The following PLPPR1 variants were observed in gnomAD, a reference collection of about 807,000 sequenced individuals.
PLPPR1 encodes phospholipid phosphatase-related protein type 1.
PLPPR1 carries 10 observed loss-of-function variants against 33.1 expected under a neutral mutation model. The ratio of observed to expected loss-of-function variants is 0.30; its 90% CI spans 0.19 to 0.51. PLPPR1 has a LOEUF of 0.51. Ranked by LOEUF, PLPPR1 falls within the 20% of genes least tolerant of loss-of-function variation. The pLI is 0.97. For synonymous variants in PLPPR1, 151 were observed against 151.0 expected, an observed-to-expected ratio of 1.00 and a Z score of 0.00; for missense variants, 304 against 408.1, an observed-to-expected ratio of 0.74 and a Z score of 2.20.
At chr9:101,298,770 A>G (rs1321503998) in intron 4 of PLPPR1, among the ~76,000 whole-genome samples, 1 of 152,206 alleles carries the variant, frequency 6.6e-6, no homozygotes, top group Non-Finnish European at 1.5e-5. Context: ...TCTGATAGAA[A>G]AAGCCAGACA....
At chr9:101,182,589 GT>G (rs1252420857) in intron 1 of PLPPR1, among the ~76,000 whole-genome samples, 1 of 151,708 alleles carries the variant, frequency 6.6e-6, no homozygotes, top group Non-Finnish European at 1.5e-5. Context: ...GAACTTGGTG[GT>G]TGTTGCATAA....
At chr9:101,146,311 C>T (rs556048561) in intron 1 of PLPPR1, among the ~76,000 whole-genome samples, 32 of 152,266 alleles carry the variant, frequency 2.1e-4, no homozygotes, top group Middle Eastern at 3.4e-3. Context: ...GGAGAAGAGC[C>T]TTCAGAACAG....
At chr9:101,145,726 A>AT (rs1314581137) in intron 1 of PLPPR1, among the ~76,000 whole-genome samples, 5 of 137,978 alleles carry the variant, frequency 3.6e-5, no homozygotes, top group African/African-American at 5.3e-5. Flanking sequence ...AAGAATAAGA[A>AT]AAGAAATGTC....
At chr9:101,137,171 G>A (rs1321068254) in intron 1 of PLPPR1, among the ~76,000 whole-genome samples, 3 of 152,174 alleles carry the variant, frequency 2.0e-5, no homozygotes, top group African/African-American at 7.2e-5. Flanking sequence ...CACTGAGCCT[G>A]TTCCTTAAGT....
At chr9:101,097,716 C>T (rs1564143793) in intron 1 of PLPPR1, among the ~76,000 whole-genome samples, 1 of 152,064 alleles carries the variant, frequency 6.6e-6, no homozygotes, top group South Asian at 2.1e-4. Context: ...ACAATGGCCA[C>T]ATTCGGAATG....
chr9:101,110,327 G>A (rs938407590), intron 1 of PLPPR1, among the ~76,000 whole-genome samples: 2 of 152,124 alleles, frequency 1.3e-5, no homozygotes, highest in African/African-American at 4.8e-5. Flanking sequence ...GGATTAAAAT[G>A]TTGCATAATA....
intron 2 of PLPPR1, chr9:101,187,326 G>A (rs140394096): frequency 8.7e-4 from 132 of 152,002 alleles, no homozygotes; most frequent in African/African-American, 3.0e-3. Context: ...TGTAGTCTCC[G>A]AAGATTTTCA....
intron 1 of PLPPR1, among the ~76,000 whole-genome samples, chr9:101,032,952 T>A (rs1191241243): frequency 2.0e-5 from 3 of 152,172 alleles, no homozygotes; most frequent in African/African-American, 7.2e-5. Flanking sequence ...GTGTATAAAT[T>A]CCCTTTTCCC....
At chr9:101,063,848 A>G (rs1830375717) in intron 1 of PLPPR1, among the ~76,000 whole-genome samples, 1 of 152,120 alleles carries the variant, frequency 6.6e-6, no homozygotes, top group African/African-American at 2.4e-5. Flanking sequence ...ATAATTGGCC[A>G]TCATTTGATC....
intron 3 of PLPPR1, among the ~76,000 whole-genome samples, chr9:101,282,012 G>C (rs933536765): frequency 6.6e-6 from 1 of 152,048 alleles, no homozygotes; most frequent in African/African-American, 2.4e-5. Flanking sequence ...AACTGATATC[G>C]CACCTTTTCT....
intron 1 of PLPPR1, among the ~76,000 whole-genome samples, chr9:101,063,116 T>C (rs1431705654): frequency 6.6e-6 from 1 of 152,104 alleles, no homozygotes; most frequent in South Asian, 2.1e-4. Context: ...CTAAAACATA[T>C]AAAGTGTTTA....
intron 5 of PLPPR1, among the ~76,000 whole-genome samples, chr9:101,311,839 C>A (rs1472382755): frequency 6.6e-6 from 1 of 152,188 alleles, no homozygotes; most frequent in Non-Finnish European, 1.5e-5. Flanking sequence ...TCACATAGCA[C>A]ATTTGTTAAG....
intron 2 of PLPPR1, among the ~76,000 whole-genome samples, chr9:101,260,464 G>A (rs1347808002): frequency 6.6e-6 from 1 of 152,144 alleles, no homozygotes; most frequent in Non-Finnish European, 1.5e-5. Context: ...TGAGATAAAT[G>A]TAAGGAGACC....
At chr9:101,299,472 T>C (rs1353983664) in intron 4 of PLPPR1, among the ~76,000 whole-genome samples, 1 of 152,204 alleles carries the variant, frequency 6.6e-6, no homozygotes, top group Non-Finnish European at 1.5e-5. Flanking sequence ...GTTCCTCTGC[T>C]CAGTGCAGGG....
At chr9:101,133,951 A>G (rs543886280) in intron 1 of PLPPR1, among the ~76,000 whole-genome samples, 1 of 152,160 alleles carries the variant, frequency 6.6e-6, no homozygotes, top group African/African-American at 2.4e-5. Flanking sequence ...CCGTAATACT[A>G]TCTATTGGGT....
intron 2 of PLPPR1, among the ~76,000 whole-genome samples, chr9:101,254,075 A>AT (rs2118869784): frequency 6.6e-6 from 1 of 152,216 alleles, no homozygotes; most frequent in South Asian, 2.1e-4. Context: ...CCAGAGACCA[A>AT]TTTTGTGGAA....
chr9:101,086,348 C>T (rs1297693676), intron 1 of PLPPR1, among the ~76,000 whole-genome samples: 3 of 152,142 alleles, frequency 2.0e-5, no homozygotes, highest in African/African-American at 7.2e-5. Context: ...CTGACAAAAT[C>T]TCAGCCAATC....
rs375099878 is a variant in PLPPR1 at position 101,324,391 on chromosome 9, G to T, written c.*334G>T. The T allele has an allele frequency of 4.7e-6, 1 of 214,184 alleles. No individual in the cohort carries two copies. The highest frequency in any genetic ancestry group is 2.3e-5 in the African/African-American group (1 of 43,578). The allele number at this position is 214,184 out of a possible 1,614,324, so 13.3% of individuals were successfully genotyped here. A position where few individuals can be genotyped will look rare whatever the true frequency, so the allele number is the denominator to read the frequency against. On this transcript the variant is annotated 3_prime_UTR_variant, in exon 8 of 8. Transcript: ENST00000374874. The stretch of plus-strand genomic sequence containing the variant: ...TTCTTTTCTCAGTTTTATAAACACA[G>T]AATATAACAATTCACTTTAAACTTT...
At chr9:101,116,939 A>G (rs2118586668) in intron 1 of PLPPR1, among the ~76,000 whole-genome samples, 1 of 152,278 alleles carries the variant, frequency 6.6e-6, no homozygotes, top group East Asian at 1.9e-4. Flanking sequence ...CCCTCAACAT[A>G]CTGATGCTTT....
Sources: gnomAD v4.1 joint callset for allele counts (sites outside exome capture counted in the v4.1 genomes callset) on GRCh38, gnomAD v4.1.1 for gene constraint, MANE v1.5 for transcripts, NCBI Gene and HGNC (gene_info 2026-07-23, HGNC 2026-07-21) for gene names.